The following RLN2 variants were observed in gnomAD, a reference collection of about 807,000 sequenced individuals.
RLN2 encodes prorelaxin H2.
A neutral mutation model predicts 7.3 loss-of-function variants in RLN2; 10 were observed. That is an observed-to-expected ratio of 1.36 (90% confidence interval 0.84 to 2.31). The LOEUF (loss-of-function observed/expected upper bound fraction) is 2.31, where lower values mean the gene tolerates loss of function less well. Among genes scored for constraint, RLN2 ranks in the 30% most tolerant of loss-of-function variants. The probability of loss-of-function intolerance (pLI) is 0.00; values close to 1 mark genes in which losing one functional copy is unlikely to be tolerated. For missense variants in RLN2, 298 were observed against 217.6 expected (o/e 1.37, Z -2.32); for synonymous variants, 103 against 82.3 (o/e 1.25, Z -1.36).
the RLN2 span, among the ~76,000 whole-genome samples, chr9:5,320,508 C>T: frequency 8.6e-5 from 13 of 151,376 alleles, 1 homozygote; most frequent in South Asian, 2.1e-4. Context: ...GTAGCTGGAA[C>T]GACAGGTGTG....
At chr9:5,311,410 A>C in the RLN2 span, 1 of 523,266 alleles carries the variant, frequency 1.9e-6, no homozygotes, top group Non-Finnish European at 3.4e-6. Context: ...TCTTAATACA[A>C]GAATACAATT....
the RLN2 span, among the ~76,000 whole-genome samples, chr9:5,319,566 TTACTA>T: frequency 1.3e-5 from 2 of 151,992 alleles, no homozygotes; most frequent in Non-Finnish European, 2.9e-5. Context: ...TGACAAACTT[TTACTA>T]GGGTTTGGGT....
At chr9:5,335,105 ATT>A in the RLN2 span, 24 of 524,730 alleles carry the variant, frequency 4.6e-5, no homozygotes, top group Non-Finnish European at 7.9e-5. Flanking sequence ...TACAAAGAAT[ATT>A]TTCTTACACA....
At position 5,300,311 on chromosome 9, in the gene RLN2, ATGT is replaced by A. The variant is rs757477789; in HGVS notation, c.342_344del (p.Gln114del). On this transcript the variant is annotated inframe_deletion, in exon 2 of 2. Coordinates refer to ENST00000381627, the MANE Select transcript of RLN2 (RefSeq NM_134441.3). ...GACTGGAATCTTTTAATACAGGTAC[ATGT>A]TGTTGTAGCTGTGGTAATGCTGGCT... The A allele has an allele frequency of 2.5e-6, 4 of 1,614,050 alleles. No homozygotes were observed. Among genetic ancestry groups the A allele is most frequent in the Admixed American group, 1.7e-5 (1 of 60,016 alleles).
At chr9:5,329,325 A>G in the RLN2 span, among the ~76,000 whole-genome samples, 1,209 of 149,882 alleles carry the variant, frequency 8.1e-3, 25 homozygotes, top group African/African-American at 0.023. Flanking sequence ...AAAAAAAAAA[A>G]AAAAGAAAAG....
At chr9:5,333,109 T>C in the RLN2 span, among the ~76,000 whole-genome samples, 3 of 152,138 alleles carry the variant, frequency 2.0e-5, no homozygotes, top group Non-Finnish European at 4.4e-5. Flanking sequence ...ATTTTAGTGA[T>C]GCGTATGAAG....
the RLN2 span, among the ~76,000 whole-genome samples, chr9:5,330,396 T>A: frequency 6.6e-6 from 1 of 151,806 alleles, no homozygotes; most frequent in East Asian, 1.9e-4. Flanking sequence ...CCCAGCACTT[T>A]GGGAGGCAGA....
rs1369025908 is a variant in RLN2 at position 5,304,167 on chromosome 9, T to A, written c.211+203A>T. ...AGTGCTTTCCCTCCGTCCGGTGAGATTCCCAGTGAGACTGTTTGAATAAAA... is the reference window on the plus strand; with the variant it reads ...AGTGCTTTCCCTCCGTCCGGTGAGAATCCCAGTGAGACTGTTTGAATAAAA... On this transcript the variant is annotated intron_variant, in intron 1 of 1. Coordinates refer to ENST00000381627, the MANE Select transcript of RLN2 (RefSeq NM_134441.3). 2.3e-4 allele frequency: 108 copies of A among 471,320 alleles called. No individual in the cohort carries two copies. The East Asian group carries it at 3.3e-3, about 15-fold the overall frequency. The allele number at this position is 471,320 out of a possible 1,614,324, so 29.2% of individuals were successfully genotyped here. A position where few individuals can be genotyped will look rare whatever the true frequency, so the allele number is the denominator to read the frequency against.
At chr9:5,316,083 T>A in the RLN2 span, among the ~76,000 whole-genome samples, 1 of 151,998 alleles carries the variant, frequency 6.6e-6, no homozygotes, top group African/African-American at 2.4e-5. Flanking sequence ...CTCTGTTAAG[T>A]CATGTATATC....
the RLN2 span, among the ~76,000 whole-genome samples, chr9:5,319,484 A>C: frequency 6.6e-6 from 1 of 152,024 alleles, no homozygotes; most frequent in Non-Finnish European, 1.5e-5. Context: ...GAAAAAGTTC[A>C]AATATCAGAT....
the RLN2 span, among the ~76,000 whole-genome samples, chr9:5,322,625 C>A: frequency 2.0e-5 from 3 of 151,868 alleles, no homozygotes; most frequent in African/African-American, 7.3e-5. Context: ...TCTAAGTTTT[C>A]AATTTGATAA....
the RLN2 span, among the ~76,000 whole-genome samples, chr9:5,317,175 A>C: frequency 1.3e-5 from 2 of 152,160 alleles, no homozygotes; most frequent in East Asian, 3.9e-4. Flanking sequence ...AAATAACCAG[A>C]AAACAATTAA....
rs746309152 is a variant in RLN2 at position 5,300,406 on chromosome 9, T to C, written c.250A>G (p.Ile84Val). ...GCAACAAATTCTGACATCATATTTA[T>C]GGTTTCTGTATCTTTGTTGATGAAG... is the stretch of plus-strand genomic sequence containing the variant. ...PSFINKDTETINMMSEFVANL... is the reference protein window; with the variant it reads ...PSFINKDTETVNMMSEFVANL... The change falls in exon 2 of 2, where the codon ATA (isoleucine) becomes GTA (valine). Residue 84 changes from isoleucine (I) to valine (V), a missense_variant. Physicochemically the swap from Ile to Val is conservative, Grantham distance 29. Coordinates refer to ENST00000381627, the MANE Select transcript of RLN2 (RefSeq NM_134441.3). 5 of 1,611,418 alleles carry C rather than the reference T, an allele frequency of 3.1e-6. No homozygotes were observed. Among genetic ancestry groups the C allele is most frequent in the Non-Finnish European group, 4.2e-6 (5 of 1,179,246 alleles).
the RLN2 span, chr9:5,311,313 C>T: frequency 2.8e-6 from 1 of 361,364 alleles, no homozygotes; most frequent in South Asian, 2.7e-5. Context: ...AGTGCATGAG[C>T]AGACATGTGA....
chr9:5,335,525 G>A, the RLN2 span: 4 of 1,613,050 alleles, frequency 2.5e-6, no homozygotes, highest in Non-Finnish European at 3.4e-6. Flanking sequence ...CAGCTCCGGT[G>A]GCAAATTAGC....
At chr9:5,326,277 A>G in the RLN2 span, among the ~76,000 whole-genome samples, 1 of 152,124 alleles carries the variant, frequency 6.6e-6, no homozygotes, top group Admixed American at 6.5e-5. Flanking sequence ...AAAGGCACCC[A>G]GGGGCTGACA....
the RLN2 span, among the ~76,000 whole-genome samples, chr9:5,332,620 CTTT>C: frequency 3.4e-4 from 47 of 138,344 alleles, no homozygotes; most frequent in South Asian, 4.3e-3. Flanking sequence ...ACTGAATGTG[CTTT>C]TTTTTTTTTT....
At chr9:5,319,633 C>A in the RLN2 span, among the ~76,000 whole-genome samples, 1 of 151,956 alleles carries the variant, frequency 6.6e-6, no homozygotes, top group Non-Finnish European at 1.5e-5. Flanking sequence ...TGAATCTCCT[C>A]TATGGGATCA....
At chr9:5,336,117 C>G in the RLN2 span, among the ~76,000 whole-genome samples, 1 of 151,954 alleles carries the variant, frequency 6.6e-6, no homozygotes, top group Non-Finnish European at 1.5e-5. Context: ...GGCAGCATTT[C>G]CAACACCTGT....
Sources: allele counts gnomAD v4.1 joint callset (sites outside exome capture counted in the v4.1 genomes callset), GRCh38; gene constraint gnomAD v4.1.1; transcripts MANE v1.5; gene names NCBI Gene and HGNC (gene_info 2026-07-23, HGNC 2026-07-21).